BRINP3: variants seen among roughly 807,000 people sequenced by gnomAD.
BRINP3 encodes the protein BMP/retinoic acid-inducible neural-specific protein 3.
A neutral mutation model predicts 71.0 loss-of-function variants in BRINP3; 19 were observed. The ratio of observed to expected loss-of-function variants is 0.27; its 90% CI spans 0.19 to 0.39. The LOEUF (loss-of-function observed/expected upper bound fraction) is 0.39. BRINP3 is among the 10% of genes least tolerant of loss of function. The pLI, the probability that BRINP3 is intolerant of heterozygous loss-of-function variation, is 1.00. For synonymous variants in BRINP3, 380 were observed against 337.7 expected, an observed-to-expected ratio of 1.13 and a Z score of -1.37; for missense variants, 959 against 940.8, an observed-to-expected ratio of 1.02 and a Z score of -0.25.
chr1:190,219,479 G>GAATGAATT (rs1656685070), intron 6 of BRINP3, among the ~76,000 whole-genome samples: 1 of 151,998 alleles, frequency 6.6e-6, no homozygotes, highest in Admixed American at 6.6e-5. Context: ...ATTCATTAGA[G>GAATGAATT]GTCTCAACAG....
rs1668097225 is a variant in BRINP3 at position 190,347,444 on chromosome 1, C to T, written c.237-65694G>A. Among the ~76,000 whole-genome samples the T allele has an allele frequency of 4.0e-5, 6 of 150,418 alleles. No homozygotes were observed. In the Admixed American group the frequency reaches 4.0e-4, roughly 10 times the overall value. On this transcript the variant is annotated intron_variant, in intron 2 of 7. Coordinates refer to ENST00000367462, the MANE Select transcript of BRINP3 (RefSeq NM_199051.3). ...CATGAGCCACCGCGCCCAGCTGACA[C>T]TATAATTCTTAATATTCACAAACAT... is the stretch of plus-strand genomic sequence containing the variant.
At chr1:190,115,180 A>G (rs1571738526) in intron 7 of BRINP3, among the ~76,000 whole-genome samples, 1 of 152,194 alleles carries the variant, frequency 6.6e-6, no homozygotes, top group East Asian at 1.9e-4. Flanking sequence ...ATTTACTTAG[A>G]AAATTTGTAA....
intron 6 of BRINP3, among the ~76,000 whole-genome samples, chr1:190,209,285 T>TTATTTATCTACC (rs1655783276): frequency 6.6e-6 from 1 of 152,144 alleles, no homozygotes; most frequent in Admixed American, 6.6e-5. Flanking sequence ...TCAACTCACA[T>TTATTTATCTACC]TATTTATCTA....
At chr1:190,127,256 G>A (rs752956228) in intron 7 of BRINP3, among the ~76,000 whole-genome samples, 3 of 151,586 alleles carry the variant, frequency 2.0e-5, no homozygotes, top group African/African-American at 4.8e-5. Context: ...GAAACTGCAC[G>A]TTAATACATC....
intron 6 of BRINP3, among the ~76,000 whole-genome samples, chr1:190,211,651 T>G (rs1305608260): frequency 3.9e-5 from 6 of 152,112 alleles, no homozygotes; most frequent in African/African-American, 9.6e-5. Context: ...TTTCTGATAG[T>G]TGGAATGATG....
intron 5 of BRINP3, among the ~76,000 whole-genome samples, chr1:190,229,233 C>T (rs1209406853): frequency 1.3e-5 from 2 of 151,802 alleles, no homozygotes; most frequent in Non-Finnish European, 2.9e-5. Flanking sequence ...TGGGAGGGAC[C>T]CAGTGGGAGG....
chr1:190,337,622 G>C (rs1172502993), intron 2 of BRINP3, among the ~76,000 whole-genome samples: 2 of 151,996 alleles, frequency 1.3e-5, no homozygotes, highest in African/African-American at 4.8e-5. Flanking sequence ...CCAGTCATTT[G>C]CCAGGGGCTC....
At chr1:190,345,693 A>C (rs1667971755) in intron 2 of BRINP3, among the ~76,000 whole-genome samples, 1 of 146,032 alleles carries the variant, frequency 6.8e-6, no homozygotes, top group Non-Finnish European at 1.5e-5. Flanking sequence ...GAAATCAACA[A>C]CCAAATAGCC....
At chr1:190,109,483 A>T (rs1557974172) in intron 7 of BRINP3, among the ~76,000 whole-genome samples, 1 of 152,158 alleles carries the variant, frequency 6.6e-6, no homozygotes, top group Non-Finnish European at 1.5e-5. Context: ...AATAATCATA[A>T]GTATACAATG....
At chr1:190,327,318 A>C in intron 2 of BRINP3, among the ~76,000 whole-genome samples, 1 of 122,478 alleles carries the variant, frequency 8.2e-6, no homozygotes, top group East Asian at 2.7e-4. Flanking sequence ...CCATCTCAAA[A>C]AAAAGAACAA....
intron 2 of BRINP3, among the ~76,000 whole-genome samples, chr1:190,354,577 A>T (rs1251421908): frequency 1.3e-5 from 2 of 151,980 alleles, no homozygotes; most frequent in African/African-American, 4.8e-5. Context: ...TAAGAATTTT[A>T]AAATTAATTT....
intron 2 of BRINP3, among the ~76,000 whole-genome samples, chr1:190,364,599 C>G (rs145203855): frequency 6.6e-6 from 1 of 151,760 alleles, no homozygotes; most frequent in Non-Finnish European, 1.5e-5. Flanking sequence ...TAAATTATAA[C>G]AAGCTATATT....
rs186558717 is a variant in BRINP3 at position 190,220,983 on chromosome 1, A to T, written c.961+5099T>A. Among the ~76,000 whole-genome samples the T allele has an allele frequency of 4.9e-3, 749 of 152,228 alleles. 6 individuals are homozygous for T. Among genetic ancestry groups the T allele is most frequent in the African/African-American group, 0.017 (705 of 41,556 alleles). On this transcript the variant is annotated intron_variant, in intron 6 of 7. Coordinates refer to ENST00000367462, the MANE Select transcript of BRINP3 (RefSeq NM_199051.3). ...GTAATAGCTATAGCAACTTTCTAAG[A>T]GATAGTATAAAAATCTGTAAACAGA...
intron 2 of BRINP3, among the ~76,000 whole-genome samples, chr1:190,292,497 A>T (rs1288377507): frequency 6.6e-6 from 1 of 152,000 alleles, no homozygotes; most frequent in East Asian, 1.9e-4. Context: ...AAAAAATAAA[A>T]AATAGCTTAC....
At chr1:190,420,560 A>C (rs1022324273) in intron 2 of BRINP3, among the ~76,000 whole-genome samples, 4 of 152,014 alleles carry the variant, frequency 2.6e-5, no homozygotes, top group African/African-American at 9.7e-5. Context: ...TCAGGACTAC[A>C]TCATTTCTAA....
chr1:190,271,028 T>G (rs1662066580), intron 3 of BRINP3, among the ~76,000 whole-genome samples: 1 of 151,656 alleles, frequency 6.6e-6, no homozygotes, highest in Non-Finnish European at 1.5e-5. Context: ...TTTTGCCTCC[T>G]GGAGATGCAA....
chr1:190,177,875 A>T (rs1652683605), intron 6 of BRINP3, among the ~76,000 whole-genome samples: 1 of 152,192 alleles, frequency 6.6e-6, no homozygotes, highest in Non-Finnish European at 1.5e-5. Flanking sequence ...TAGAAAATTT[A>T]AAAAATGGTT....
At chr1:190,181,621 G>A (rs1423753942) in intron 6 of BRINP3, among the ~76,000 whole-genome samples, 3 of 151,738 alleles carry the variant, frequency 2.0e-5, no homozygotes, top group African/African-American at 7.3e-5. Flanking sequence ...GACTAGTGTA[G>A]GTATTTTACC....
intron 2 of BRINP3, among the ~76,000 whole-genome samples, chr1:190,414,907 T>C (rs889583840): frequency 6.6e-6 from 1 of 152,218 alleles, no homozygotes; most frequent in African/African-American, 2.4e-5. Context: ...CTAGTAATCA[T>C]AAATATTTGG....
Sources: gnomAD v4.1 joint callset for allele counts (sites outside exome capture counted in the v4.1 genomes callset) on GRCh38, gnomAD v4.1.1 for gene constraint, MANE v1.5 for transcripts, NCBI Gene and HGNC (gene_info 2026-07-23, HGNC 2026-07-21) for gene names.